The following SRBD1 variants were observed in gnomAD, a reference collection of about 807,000 sequenced individuals.
SRBD1 encodes the protein S1 RNA binding domain 1, also known as S1 RNA-binding domain-containing protein 1.
Under a neutral mutation model 115.3 loss-of-function variants are expected in SRBD1, and 88 were observed. The observed-to-expected ratio is 0.76, with a 90% CI of 0.64 to 0.91. The LOEUF (loss-of-function observed/expected upper bound fraction) is 0.91, where lower values mean the gene tolerates loss of function less well. Among genes scored for constraint, SRBD1 ranks in the 40% least tolerant of loss-of-function variants. The pLI is 0.00. For synonymous variants in SRBD1, 509 were observed against 407.7 expected (o/e 1.25, Z -2.99); for missense variants, 1,385 against 1,177.4 (o/e 1.18, Z -2.58).
intron 16 of SRBD1, among the ~76,000 whole-genome samples, chr2:45,444,464 T>C (rs1445321519): frequency 6.6e-6 from 1 of 152,176 alleles, no homozygotes; most frequent in Non-Finnish European, 1.5e-5. Context: ...GGTGGGACAG[T>C]GGTAATTTTT....
chr2:45,569,243 T>C (rs1672933147), intron 9 of SRBD1: 1 of 152,226 alleles, frequency 6.6e-6, no homozygotes, highest in Non-Finnish European at 1.5e-5. Flanking sequence ...GCAGTGGCTA[T>C]TCACAGGAGC....
intron 19 of SRBD1, among the ~76,000 whole-genome samples, chr2:45,397,650 G>T (rs1667184151): frequency 6.6e-6 from 1 of 152,138 alleles, no homozygotes; most frequent in Admixed American, 6.5e-5. Context: ...TTCACCCAGG[G>T]GCTGTAGCAG....
intron 15 of SRBD1, among the ~76,000 whole-genome samples, chr2:45,487,818 T>C (rs1273353223): frequency 6.6e-6 from 1 of 151,952 alleles, no homozygotes; most frequent in Non-Finnish European, 1.5e-5. Flanking sequence ...CATGCCCAAC[T>C]AATTTTTGTA....
intron 14 of SRBD1, among the ~76,000 whole-genome samples, chr2:45,491,840 G>A (rs1310305974): frequency 1.3e-5 from 2 of 151,494 alleles, no homozygotes; most frequent in Non-Finnish European, 2.9e-5. Flanking sequence ...TTATTTTTTT[G>A]AGACAGAGTC....
intron 4 of SRBD1, among the ~76,000 whole-genome samples, chr2:45,594,535 G>A (rs375519818): frequency 3.9e-5 from 6 of 152,240 alleles, no homozygotes; most frequent in East Asian, 3.9e-4. Context: ...GTTTCTGGTC[G>A]CAATCACACA....
chr2:45,453,993 T>G (rs1374507935), intron 16 of SRBD1, among the ~76,000 whole-genome samples: 1 of 151,964 alleles, frequency 6.6e-6, no homozygotes, highest in Admixed American at 6.6e-5. Context: ...TCCAACATTC[T>G]TATATACACA....
intron 16 of SRBD1, among the ~76,000 whole-genome samples, chr2:45,474,423 G>A (rs1040140307): frequency 3.3e-5 from 5 of 152,170 alleles, no homozygotes; most frequent in African/African-American, 1.2e-4. Context: ...CATGTACATG[G>A]CAGGAATTTA....
chr2:45,572,408 T>C (rs1673047540), intron 9 of SRBD1, among the ~76,000 whole-genome samples: 2 of 152,164 alleles, frequency 1.3e-5, no homozygotes, highest in Admixed American at 6.6e-5. Flanking sequence ...AACTGTATGC[T>C]TAAAAATGGT....
chr2:45,478,722 A>G (rs1167174390), intron 15 of SRBD1, among the ~76,000 whole-genome samples: 1 of 152,214 alleles, frequency 6.6e-6, no homozygotes, highest in Non-Finnish European at 1.5e-5. Context: ...GTGTAATGCA[A>G]TAAGAATGAT....
intron 16 of SRBD1, among the ~76,000 whole-genome samples, chr2:45,437,901 T>C (rs765734242): frequency 5.9e-5 from 9 of 152,188 alleles, no homozygotes; most frequent in Non-Finnish European, 1.2e-4. Context: ...ATAGAAATAA[T>C]TGATATGGAT....
intron 10 of SRBD1, among the ~76,000 whole-genome samples, chr2:45,557,901 A>G (rs1471848713): frequency 1.3e-5 from 2 of 152,206 alleles, no homozygotes; most frequent in Non-Finnish European, 2.9e-5. Context: ...AACACATGCT[A>G]TGTATGTTGC....
intron 16 of SRBD1, among the ~76,000 whole-genome samples, chr2:45,432,809 C>T (rs1473973050): frequency 6.6e-6 from 1 of 152,100 alleles, no homozygotes; most frequent in African/African-American, 2.4e-5. Context: ...GAGATTTTTA[C>T]AAAGGAATAT....
intron 16 of SRBD1, among the ~76,000 whole-genome samples, chr2:45,472,226 G>T (rs1283720107): frequency 6.6e-6 from 1 of 152,136 alleles, no homozygotes; most frequent in Non-Finnish European, 1.5e-5. Context: ...AGTGAAAGAG[G>T]TCAATCATAA....
At chr2:45,515,377 C>A (rs1323722504) in intron 14 of SRBD1, among the ~76,000 whole-genome samples, 2 of 152,152 alleles carry the variant, frequency 1.3e-5, no homozygotes. Context: ...GATCTAAGCA[C>A]AGACAGTCTT....
chr2:45,435,206 C>G (rs917137545), intron 16 of SRBD1, among the ~76,000 whole-genome samples: 2 of 152,072 alleles, frequency 1.3e-5, no homozygotes, highest in Non-Finnish European at 2.9e-5. Flanking sequence ...CAAGTCTTTG[C>G]TATTGTGAAT....
chr2:45,458,508 T>C (rs1228710003), intron 16 of SRBD1, among the ~76,000 whole-genome samples: 1 of 152,154 alleles, frequency 6.6e-6, no homozygotes, highest in Non-Finnish European at 1.5e-5. Context: ...TGAAACATCA[T>C]CTTGGACCCT....
intron 12 of SRBD1, among the ~76,000 whole-genome samples, chr2:45,549,556 C>T (rs1206630799): frequency 1.3e-5 from 2 of 151,620 alleles, no homozygotes; most frequent in Non-Finnish European, 2.9e-5. Context: ...AAAAACATTA[C>T]AGAAAATAAG....
chr2:45,486,734 A>T (rs1168436268), intron 15 of SRBD1, among the ~76,000 whole-genome samples: 2 of 151,002 alleles, frequency 1.3e-5, no homozygotes, highest in Non-Finnish European at 2.9e-5. Context: ...CCATCTCAAA[A>T]AAAATAAAAT....
chr2:45,443,067 T>C lies in SRBD1; in HGVS notation c.2050-23173A>G, dbSNP rs183468333. On this transcript the variant is annotated intron_variant, in intron 16 of 20. Coordinates refer to ENST00000263736, the MANE Select transcript of SRBD1 (RefSeq NM_018079.5). ...AGGCTGGAGAGTAGACAAGCTCTTGTAAGTCTCCATGGCAAGGAGTTTGAA... is the reference window on the plus strand; with the variant it reads ...AGGCTGGAGAGTAGACAAGCTCTTGCAAGTCTCCATGGCAAGGAGTTTGAA... 2.2e-3 allele frequency among the ~76,000 whole-genome samples: 336 copies of C among 152,326 alleles called. 1 individual carries two copies. Among genetic ancestry groups the C allele is most frequent in the African/African-American group, 7.6e-3 (316 of 41,580 alleles).
Sources: allele counts gnomAD v4.1 joint callset (sites outside exome capture counted in the v4.1 genomes callset), GRCh38; gene constraint gnomAD v4.1.1; transcripts MANE v1.5; gene names NCBI Gene and HGNC (gene_info 2026-07-23, HGNC 2026-07-21).